IGSF11: variants seen among roughly 807,000 people sequenced by gnomAD.
IGSF11 encodes immunoglobulin superfamily member 11.
IGSF11 carries 22 observed loss-of-function variants against 41.0 expected under a neutral mutation model. The ratio of observed to expected loss-of-function variants is 0.54; its 90% CI spans 0.38 to 0.77. The LOEUF is 0.77. IGSF11 is among the 30% of genes least tolerant of loss of function. IGSF11 has a pLI of 0.00. For synonymous variants in IGSF11, 219 were observed against 201.3 expected (o/e 1.09, Z -0.74); for missense variants, 444 against 530.8 (o/e 0.84, Z 1.61).
At position 118,907,024 on chromosome 3, in the gene IGSF11, A is replaced by G. The variant is rs141536513; in HGVS notation, c.581-1306T>C. Among the ~76,000 whole-genome samples the G allele has an allele frequency of 3.8e-4, 58 of 152,314 alleles. 1 individual carries two copies. In the East Asian group the frequency reaches 0.011, roughly 29 times the overall value. ...GAGAATACATTCTGTCATCTCAACC[A>G]TTCAAAATAGCTGCAAATTTAGAAG... On this transcript the variant is annotated intron_variant, in intron 4 of 6. Transcript: ENST00000393775.
rs914089716 is a variant in IGSF11, at chr3:119,041,313, G to T, written c.49+63831C>A. Among the ~76,000 whole-genome samples the T allele has an allele frequency of 2.6e-5, 4 of 152,308 alleles. No individual in the cohort carries two copies. In the South Asian group the frequency reaches 8.3e-4, roughly 32 times the overall value. On this transcript the variant is annotated intron_variant, in intron 1 of 6. Transcript: ENST00000354673. ...AATAAAAATGGTGGCCAGATGTGGT[G>T]GCTCACGCCTATAATCTCAGCACTT... is the stretch of plus-strand genomic sequence containing the variant.
At position 119,011,340 on chromosome 3, in the gene IGSF11, T is replaced by C. The variant is rs550521311; in HGVS notation, c.52+23191A>G. 3.3e-5 allele frequency among the ~76,000 whole-genome samples: 5 copies of C among 152,062 alleles called. No homozygotes were observed. The East Asian group carries it at 5.8e-4, about 18-fold the overall frequency. On this transcript the variant is annotated intron_variant, in intron 1 of 6. Transcript: ENST00000393775. ...GCCCCCGGATAGTGAGGGAAAACCA[T>C]GGAAAAGAGAGACCAAGAGAAGGAG...
At chr3:118,933,434 C>G (rs1181967127) in intron 1 of IGSF11, among the ~76,000 whole-genome samples, 4 of 148,238 alleles carry the variant, frequency 2.7e-5, no homozygotes, top group Non-Finnish European at 4.4e-5. Flanking sequence ...TACACCAAGT[C>G]CACATTAAGC....
chr3:119,007,732 T>G (rs1937602395), intron 1 of IGSF11, among the ~76,000 whole-genome samples: 1 of 152,128 alleles, frequency 6.6e-6, no homozygotes, highest in African/African-American at 2.4e-5. Context: ...ATCCTACAAC[T>G]CGACATTTCA....
At chr3:118,978,631 C>A (rs1011184439) in intron 1 of IGSF11, among the ~76,000 whole-genome samples, 2 of 152,176 alleles carry the variant, frequency 1.3e-5, no homozygotes, top group African/African-American at 4.8e-5. Context: ...CCTTCTCTGA[C>A]AACTGTACCC....
At chr3:119,062,760 G>C (rs190763958) in intron 1 of IGSF11, among the ~76,000 whole-genome samples, 2 of 152,164 alleles carry the variant, frequency 1.3e-5, no homozygotes, top group Non-Finnish European at 2.9e-5. Flanking sequence ...ACCAGGAACA[G>C]TGAACTGGCA....
At position 118,966,664 on chromosome 3, in the gene IGSF11, G is replaced by A. The variant is rs576820935; in HGVS notation, c.53-36389C>T. Among the ~76,000 whole-genome samples, 21 of 152,212 alleles carry A rather than the reference G, an allele frequency of 1.4e-4. No individual in the cohort carries two copies. In the East Asian group the frequency reaches 2.9e-3, roughly 21 times the overall value. ...CGGGTTAGCACAAAGGCAACATTAC[G>A]ACAGCATATCAAAGATTATATATTT... is the stretch of plus-strand genomic sequence containing the variant. On this transcript the variant is annotated intron_variant, in intron 1 of 6. Transcript: ENST00000393775.
At chr3:119,126,092 C>G (rs1410926694) in intron 1 of IGSF11, among the ~76,000 whole-genome samples, 1 of 152,244 alleles carries the variant, frequency 6.6e-6, no homozygotes, top group Non-Finnish European at 1.5e-5. Flanking sequence ...GGGGCAGCAG[C>G]CAGCACTGGG....
intron 1 of IGSF11, among the ~76,000 whole-genome samples, chr3:119,072,659 C>T (rs1444805394): frequency 1.3e-5 from 2 of 152,174 alleles, no homozygotes; most frequent in Non-Finnish European, 2.9e-5. Flanking sequence ...GTTCATTCCT[C>T]CCGGTTGGTT....
chr3:118,956,588 C>A (rs1944973966), intron 1 of IGSF11, among the ~76,000 whole-genome samples: 1 of 152,132 alleles, frequency 6.6e-6, no homozygotes, highest in Admixed American at 6.5e-5. Context: ...ATCAGTGGAG[C>A]AGTCGGAACA....
intron 1 of IGSF11, among the ~76,000 whole-genome samples, chr3:118,966,209 G>A (rs966767280): frequency 3.9e-5 from 6 of 152,144 alleles, no homozygotes; most frequent in Admixed American, 2.0e-4. Context: ...TCATCTGAAG[G>A]TTAGGGACCA....
At chr3:119,014,063 G>C (rs756795500) in intron 1 of IGSF11, among the ~76,000 whole-genome samples, 1 of 152,236 alleles carries the variant, frequency 6.6e-6, no homozygotes, top group East Asian at 1.9e-4. Flanking sequence ...CTTCATCTAA[G>C]TCAGCAGATG....
chr3:119,099,777 A>T (rs2076912648), intron 1 of IGSF11, among the ~76,000 whole-genome samples: 1 of 152,222 alleles, frequency 6.6e-6, no homozygotes, highest in Non-Finnish European at 1.5e-5. Context: ...ATTTTACAAG[A>T]GGTTGCAGTA....
At chr3:119,011,945 C>G (rs945527066) in intron 1 of IGSF11, among the ~76,000 whole-genome samples, 5 of 148,486 alleles carry the variant, frequency 3.4e-5, no homozygotes, top group South Asian at 2.1e-4. Flanking sequence ...ATATAGTGTT[C>G]TGTGTGTGTG....
Position 119,028,394 on chromosome 3 carries a change from G to A in IGSF11, c.52+6137C>T, listed in dbSNP as rs573384973. 4.5e-4 allele frequency among the ~76,000 whole-genome samples: 69 copies of A among 152,164 alleles called. 1 individual carries two copies. The South Asian group carries it at 0.014, about 31-fold the overall frequency. On this transcript the variant is annotated intron_variant, in intron 1 of 6. Coordinates refer to ENST00000393775, the MANE Select transcript of IGSF11 (RefSeq NM_001015887.3). Reference sequence around the variant, plus strand: ...CAGTACTTTGTATATAGTAATGTAGGGAAAAAGAGGGAGGCCTCAGGCTAC... The same window carrying A: ...CAGTACTTTGTATATAGTAATGTAGAGAAAAAGAGGGAGGCCTCAGGCTAC...
intron 1 of IGSF11, among the ~76,000 whole-genome samples, chr3:119,067,611 A>G (rs752530910): frequency 1.3e-5 from 2 of 152,144 alleles, no homozygotes; most frequent in Non-Finnish European, 2.9e-5. Flanking sequence ...AAACTTGACT[A>G]ACGTACTGTG....
intron 1 of IGSF11, among the ~76,000 whole-genome samples, chr3:118,937,875 C>T (rs1393687042): frequency 6.6e-6 from 1 of 152,104 alleles, no homozygotes; most frequent in East Asian, 1.9e-4. Flanking sequence ...AATTTCAGTG[C>T]TTTCTCATTG....
chr3:119,133,498 C>T (rs926002012), intron 1 of IGSF11, among the ~76,000 whole-genome samples: 1 of 152,164 alleles, frequency 6.6e-6, no homozygotes, highest in East Asian at 1.9e-4. Flanking sequence ...TGGACACATG[C>T]ACCCTCTCAA....
At chr3:118,905,131 A>T (rs895575662) in intron 5 of IGSF11, among the ~76,000 whole-genome samples, 2 of 152,160 alleles carry the variant, frequency 1.3e-5, no homozygotes, top group African/African-American at 4.8e-5. Flanking sequence ...AAACTAGGGG[A>T]TATCCTTCTA....
Sources: allele counts gnomAD v4.1 joint callset (sites outside exome capture counted in the v4.1 genomes callset), GRCh38; gene constraint gnomAD v4.1.1; transcripts MANE v1.5; gene names NCBI Gene and HGNC (gene_info 2026-07-23, HGNC 2026-07-21).